The following BLVRA variants were observed in gnomAD, a reference collection of about 807,000 sequenced individuals.
BLVRA encodes the protein BVR A.
BLVRA carries 22 observed loss-of-function variants against 32.8 expected under a neutral mutation model. The observed-to-expected ratio is 0.67, with a 90% CI of 0.48 to 0.96. The LOEUF (loss-of-function observed/expected upper bound fraction) is 0.96. Among genes scored for constraint, BLVRA ranks in the 40% least tolerant of loss-of-function variants. The pLI, the probability that BLVRA is intolerant of heterozygous loss-of-function variation, is 0.00. For synonymous variants in BLVRA, 119 were observed against 141.3 expected (o/e 0.84, Z 1.12); for missense variants, 323 against 358.1 (o/e 0.90, Z 0.79).
At chr7:43,789,875 A>ACG (rs1019050448) in intron 3 of BLVRA, among the ~76,000 whole-genome samples, 1 of 89,162 alleles carries the variant, frequency 1.1e-5, no homozygotes, top group African/African-American at 4.7e-5. Flanking sequence ...AGTGGTATGT[A>ACG]CGTGTGTGTG....
At chr7:43,793,196 T>C (rs2095788080) in intron 5 of BLVRA, among the ~76,000 whole-genome samples, 1 of 152,146 alleles carries the variant, frequency 6.6e-6, no homozygotes, top group African/African-American at 2.4e-5. Context: ...TTGTAGTTTT[T>C]GTTGTTTCTA....
intron 2 of BLVRA, among the ~76,000 whole-genome samples, chr7:43,780,834 G>C (rs1161481702): frequency 1.3e-5 from 2 of 152,152 alleles, no homozygotes; most frequent in Non-Finnish European, 2.9e-5. Flanking sequence ...TTTTGTTTTT[G>C]TGCAAATACC....
chr7:43,790,681 T>C (rs942137119), intron 3 of BLVRA, among the ~76,000 whole-genome samples: 11 of 152,156 alleles, frequency 7.2e-5, no homozygotes, highest in Admixed American at 5.9e-4. Context: ...TATTTTTATG[T>C]TATTTTATTT....
At chr7:43,762,041 C>G (rs2095742855) in intron 1 of BLVRA, among the ~76,000 whole-genome samples, 1 of 152,138 alleles carries the variant, frequency 6.6e-6, no homozygotes, top group African/African-American at 2.4e-5. Context: ...GAGGGTCACC[C>G]TCTCCCTAAT....
In BLVRA at chr7:43,787,760, T is replaced by G. The variant is rs535494315; in HGVS notation, c.13-144T>G. ...AGCCCCCATTTCGGGGACTGTCTCA[T>G]CCCATCCTGATGCTGTGGCTTCCTG... On this transcript the variant is annotated intron_variant, in intron 2 of 7. Transcript: ENST00000265523. This position sits in a 1 kb window ranked among gnomAD's most constrained non-coding sequence, Gnocchi z 4.5. The G allele has an allele frequency of 5.4e-6, 7 of 1,290,650 alleles. No homozygotes were observed. The highest frequency in any genetic ancestry group is 3.4e-6 in the Non-Finnish European group (3 of 893,056). The allele number at this position is 1,290,650 out of a possible 1,614,324, so 79.9% of individuals were successfully genotyped here.
chr7:43,804,819 G>C (rs933589536), intron 7 of BLVRA, among the ~76,000 whole-genome samples: 2 of 152,182 alleles, frequency 1.3e-5, no homozygotes, highest in Admixed American at 1.3e-4. Flanking sequence ...GAGTGTTTCT[G>C]GATGCCTTTG....
At chr7:43,801,251 C>T (rs1463261691) in intron 6 of BLVRA, among the ~76,000 whole-genome samples, 1 of 152,204 alleles carries the variant, frequency 6.6e-6, no homozygotes, top group African/African-American at 2.4e-5. Context: ...CCTGTCTTGG[C>T]CTCCAAAGTG....
intron 7 of BLVRA, among the ~76,000 whole-genome samples, chr7:43,805,019 G>T (rs2095802600): frequency 6.6e-6 from 1 of 152,198 alleles, no homozygotes; most frequent in South Asian, 2.1e-4. Context: ...CCTATGGAGT[G>T]ACCAACAGTG....
intron 1 of BLVRA, among the ~76,000 whole-genome samples, chr7:43,769,442 G>A (rs905709108): frequency 3.3e-5 from 5 of 152,072 alleles, no homozygotes; most frequent in Admixed American, 6.6e-5. Flanking sequence ...TTTTCTTCTA[G>A]TAGGTTCCCT....
intron 1 of BLVRA, among the ~76,000 whole-genome samples, chr7:43,761,447 T>C (rs2095742171): frequency 6.6e-6 from 1 of 152,260 alleles, no homozygotes; most frequent in Non-Finnish European, 1.5e-5. Context: ...GCGGCTCCCT[T>C]ATAGGTCATT....
chr7:43,759,278 C>G (rs903938361), intron 1 of BLVRA, among the ~76,000 whole-genome samples: 2 of 152,248 alleles, frequency 1.3e-5, no homozygotes, highest in Non-Finnish European at 2.9e-5. Context: ...ATTTCGTAGA[C>G]GGTGTGAGGG....
intron 5 of BLVRA, among the ~76,000 whole-genome samples, chr7:43,795,746 A>G (rs1242201383): frequency 4.6e-5 from 7 of 152,142 alleles, no homozygotes; most frequent in Admixed American, 3.9e-4. Context: ...CAATAGAAAA[A>G]AATCAACAAA....
At chr7:43,806,770 G>A (rs987322790) in intron 7 of BLVRA, among the ~76,000 whole-genome samples, 8 of 152,062 alleles carry the variant, frequency 5.3e-5, no homozygotes, top group African/African-American at 1.9e-4. Flanking sequence ...GTCACTGAAT[G>A]AATTCCCCTG....
At chr7:43,777,065 C>T (rs1452344199) in intron 2 of BLVRA, among the ~76,000 whole-genome samples, 1 of 150,244 alleles carries the variant, frequency 6.7e-6, no homozygotes, top group Non-Finnish European at 1.5e-5. Context: ...TTCCTGAATA[C>T]AGCACACTGA....
chr7:43,762,605 C>CTTTT (rs1563533682), intron 1 of BLVRA, among the ~76,000 whole-genome samples: 1 of 118,652 alleles, frequency 8.4e-6, no homozygotes, highest in Non-Finnish European at 1.8e-5. Context: ...CCCAGTAGTT[C>CTTTT]CTTTTTTTTT....
At chr7:43,799,441 C>CA (rs1291870574) in intron 5 of BLVRA, among the ~76,000 whole-genome samples, 2 of 151,904 alleles carry the variant, frequency 1.3e-5, no homozygotes, top group African/African-American at 4.8e-5. Flanking sequence ...TTTTATATAG[C>CA]AAAAAAATTG....
At chr7:43,758,475 G>A (rs2095738577), upstream of BLVRA, among the ~76,000 whole-genome samples, 1 of 127,420 alleles carries the variant, frequency 7.8e-6, no homozygotes, top group South Asian at 2.4e-4. Flanking sequence ...CAGGGCAGGC[G>A]CACGGACGGT....
Position 43,790,525 on chromosome 7 carries a change from C to T in BLVRA, c.135-724C>T, listed in dbSNP as rs557616944. 5.3e-5 allele frequency among the ~76,000 whole-genome samples: 8 copies of T among 152,134 alleles called. No individual in the cohort carries two copies. In the East Asian group the frequency reaches 1.5e-3, roughly 29 times the overall value. The stretch of plus-strand genomic sequence containing the variant: ...TCGTTAGCTTAGCTATAAAGTAGCT[C>T]GAAGTCGCATGCCAGTTTGCACCCT... On this transcript the variant is annotated intron_variant, in intron 3 of 7. Coordinates refer to ENST00000265523, the MANE Select transcript of BLVRA (RefSeq NM_000712.4).
In BLVRA at chr7:43,800,455, G is replaced by A; in HGVS notation, c.353-10G>A. ...CGACTGCCCTTTTTATTCCATTTTT[G>A]TCGTTACAGGAAAAGTCTTGCACGA... On this transcript the variant is annotated splice_polypyrimidine_tract_variant and intron_variant, in intron 5 of 7. Transcript: ENST00000265523. 6.2e-7 allele frequency: 1 copy of A among 1,613,490 alleles called. No homozygotes were observed. The highest frequency in any genetic ancestry group is 8.5e-7 in the Non-Finnish European group (1 of 1,179,464).
Sources: gnomAD v4.1 joint callset for allele counts (sites outside exome capture counted in the v4.1 genomes callset) on GRCh38, gnomAD v4.1.1 for gene constraint, Gnocchi (gnomAD v3.1) non-coding constraint, MANE v1.5 for transcripts, NCBI Gene and HGNC (gene_info 2026-07-23, HGNC 2026-07-21) for gene names.